ZHX3: variants seen among roughly 807,000 people sequenced by gnomAD.
The protein encoded by ZHX3 is zinc fingers and homeoboxes 3, also known as zinc fingers and homeoboxes protein 3.
Under a neutral mutation model 64.5 loss-of-function variants are expected in ZHX3, and 20 were observed. The ratio of observed to expected loss-of-function variants is 0.31; its 90% CI spans 0.22 to 0.45. The LOEUF (loss-of-function observed/expected upper bound fraction) is 0.45. Ranked by LOEUF, ZHX3 falls within the 20% of genes least tolerant of loss-of-function variation. The pLI, the probability that ZHX3 is intolerant of heterozygous loss-of-function variation, is 1.00. For synonymous variants in ZHX3, 423 were observed against 461.6 expected (o/e 0.92, Z 1.07); for missense variants, 1,041 against 1,195.8 (o/e 0.87, Z 1.91).
At chr20:41,253,793 G>T (rs1001168463) in intron 2 of ZHX3, among the ~76,000 whole-genome samples, 2 of 152,102 alleles carry the variant, frequency 1.3e-5, no homozygotes, top group Admixed American at 1.3e-4. Context: ...TAGTGAGGGG[G>T]GAATGCATCG....
At chr20:41,254,445 G>C (rs1295617587) in intron 2 of ZHX3, 1 of 152,176 alleles carries the variant, frequency 6.6e-6, no homozygotes, top group African/African-American at 2.4e-5. Flanking sequence ...GTTGGTGTTT[G>C]AGAAGTGCTA....
At chr20:41,218,588 G>A (rs1260890392) in intron 2 of ZHX3, among the ~76,000 whole-genome samples, 1 of 152,154 alleles carries the variant, frequency 6.6e-6, no homozygotes, top group Non-Finnish European at 1.5e-5. Context: ...TTTAACATGA[G>A]GCTTGGTGAT....
At chr20:41,250,708 A>G (rs1301211723) in intron 2 of ZHX3, among the ~76,000 whole-genome samples, 1 of 152,262 alleles carries the variant, frequency 6.6e-6, no homozygotes, top group Non-Finnish European at 1.5e-5. Context: ...TATCCCAAAT[A>G]GGATAAACTC....
At chr20:41,245,079 G>C (rs1230096838) in intron 2 of ZHX3, among the ~76,000 whole-genome samples, 1 of 152,206 alleles carries the variant, frequency 6.6e-6, no homozygotes, top group Non-Finnish European at 1.5e-5. Flanking sequence ...GGGGGTTGAG[G>C]AAAGGGAAGG....
rs1305394427 is a variant in ZHX3 at position 41,219,209 on chromosome 20, G to A, written c.-150-14143C>T. 1.3e-5 allele frequency among the ~76,000 whole-genome samples: 2 copies of A among 152,018 alleles called. No homozygotes were observed. The highest frequency in any genetic ancestry group is 2.1e-4 in the South Asian group (1 of 4,818). On this transcript the variant is annotated intron_variant, in intron 2 of 3. Transcript: ENST00000683867. The surrounding 1 kb of genome is among the most constrained non-coding windows in gnomAD (Gnocchi z 5.0). ...CTCCCAAAGTGCTGGGATTACAAGC[G>A]TCAGCCACCGCACCTGGCCTTCCCC...
intron 1 of ZHX3, among the ~76,000 whole-genome samples, chr20:41,287,936 G>T (rs1324914012): frequency 1.3e-5 from 2 of 152,166 alleles, no homozygotes; most frequent in Admixed American, 1.3e-4. Context: ...AATATCATGG[G>T]ATGTATTAAG....
chr20:41,296,186 T>C (rs996019538), intron 1 of ZHX3, among the ~76,000 whole-genome samples: 2 of 144,210 alleles, frequency 1.4e-5, no homozygotes, highest in African/African-American at 2.6e-5. Flanking sequence ...TCATGCCAAG[T>C]TGAGTTTTTT....
chr20:41,199,370 G>T (rs558311740), intron 3 of ZHX3, among the ~76,000 whole-genome samples: 2 of 152,168 alleles, frequency 1.3e-5, no homozygotes, highest in Non-Finnish European at 2.9e-5. Flanking sequence ...ATCTAATTCT[G>T]TCATGCCTCA....
chr20:41,190,015 T>A (rs962330537), intron 3 of ZHX3, among the ~76,000 whole-genome samples: 10 of 152,206 alleles, frequency 6.6e-5, no homozygotes, highest in African/African-American at 1.7e-4. Flanking sequence ...GTTTTTTTTT[T>A]ATCATGAAGC....
At chr20:41,290,125 T>C (rs2044154724) in intron 1 of ZHX3, among the ~76,000 whole-genome samples, 2 of 152,342 alleles carry the variant, frequency 1.3e-5, no homozygotes, top group South Asian at 2.1e-4. Flanking sequence ...AGTCTTCCTT[T>C]AAAAAGACTA....
intron 2 of ZHX3, among the ~76,000 whole-genome samples, chr20:41,209,671 T>C (rs1032966760): frequency 5.3e-5 from 8 of 152,214 alleles, no homozygotes; most frequent in Non-Finnish European, 1.0e-4. Flanking sequence ...GATCCCTTCC[T>C]TACACCTTAT....
intron 2 of ZHX3, among the ~76,000 whole-genome samples, chr20:41,255,511 T>C (rs1448280924): frequency 1.3e-5 from 2 of 152,202 alleles, no homozygotes; most frequent in East Asian, 3.8e-4. Flanking sequence ...AAATTAATTA[T>C]ATCAACCAGT....
chr20:41,235,965 G>A lies in ZHX3; in HGVS notation c.-150-30899C>T, dbSNP rs149783673. On this transcript the variant is annotated intron_variant, in intron 2 of 3. Transcript: ENST00000683867. ...AATGTGCAAAAATCACAAGCATTCC[G>A]ATACACCAATAACAGACAAACAGAG... Among the ~76,000 whole-genome samples the A allele has an allele frequency of 3.2e-3, 484 of 152,018 alleles. 2 individuals carry two copies. The highest frequency in any genetic ancestry group is 0.03 in the East Asian group (153 of 5,174).
intron 3 of ZHX3, among the ~76,000 whole-genome samples, chr20:41,187,293 G>A (rs1300042236): frequency 7.8e-6 from 1 of 128,600 alleles, no homozygotes; most frequent in African/African-American, 3.0e-5. Flanking sequence ...TTGTACCACT[G>A]CACTCCAGCA....
intron 1 of ZHX3, among the ~76,000 whole-genome samples, chr20:41,289,351 A>T (rs1361401614): frequency 6.6e-6 from 1 of 152,184 alleles, no homozygotes; most frequent in African/African-American, 2.4e-5. Context: ...GGTCATTGGT[A>T]AATAACTTTG....
intron 1 of ZHX3, among the ~76,000 whole-genome samples, chr20:41,310,999 AG>A (rs2045117941): frequency 6.6e-6 from 1 of 152,086 alleles, no homozygotes; most frequent in Non-Finnish European, 1.5e-5. Flanking sequence ...TAGTAGAGAC[AG>A]GGTTTCACCA....
intron 1 of ZHX3, among the ~76,000 whole-genome samples, chr20:41,297,711 G>C (rs1401802146): frequency 6.6e-6 from 1 of 152,206 alleles, no homozygotes; most frequent in East Asian, 1.9e-4. Context: ...CCCAGGGTAA[G>C]TAAGTATGTA....
chr20:41,313,085 T>C (rs1330816239), intron 1 of ZHX3, among the ~76,000 whole-genome samples: 1 of 152,120 alleles, frequency 6.6e-6, no homozygotes, highest in African/African-American at 2.4e-5. Context: ...GGGTTGCATG[T>C]GGAGTGAGGA....
chr20:41,210,235 T>C (rs2039053285), intron 2 of ZHX3, among the ~76,000 whole-genome samples: 1 of 152,206 alleles, frequency 6.6e-6, no homozygotes, highest in Non-Finnish European at 1.5e-5. Flanking sequence ...AGGAACACTT[T>C]TACACTGTTG....
Sources: allele counts gnomAD v4.1 joint callset (sites outside exome capture counted in the v4.1 genomes callset), GRCh38; gene constraint gnomAD v4.1.1; non-coding constraint Gnocchi (gnomAD v3.1); transcripts MANE v1.5; gene names NCBI Gene and HGNC (gene_info 2026-07-23, HGNC 2026-07-21).